SDK2: variants seen among roughly 807,000 people sequenced by gnomAD.
SDK2 encodes the protein protein sidekick-2.
A neutral mutation model predicts 253.9 loss-of-function variants in SDK2; 105 were observed. The observed-to-expected ratio is 0.41, with a 90% CI of 0.35 to 0.49. SDK2 has a LOEUF of 0.49. Ranked by LOEUF, SDK2 falls within the 20% of genes least tolerant of loss-of-function variation. The pLI, the probability that SDK2 is intolerant of heterozygous loss-of-function variation, is 0.06. For missense variants in SDK2, 2,608 were observed against 3,003.0 expected (o/e 0.87, Z 3.07); for synonymous variants, 1,249 against 1,234.9 (o/e 1.01, Z -0.24).
At chr17:73,553,331 T>C (rs1477882116) in intron 1 of SDK2, among the ~76,000 whole-genome samples, 2 of 152,282 alleles carry the variant, frequency 1.3e-5, no homozygotes, top group African/African-American at 4.8e-5. Flanking sequence ...GAGCCAGGAC[T>C]TACTGCCTAT....
rs1031940369 is a variant in SDK2 at position 73,511,659 on chromosome 17, T to G, written c.65-4062A>C. ...CACAAGGTTCCTCTCCCCAAGCTCC[T>G]GCGGTGAAGTCACCCCCTCCCGAAA... is the stretch of plus-strand genomic sequence containing the variant. On this transcript the variant is annotated intron_variant, in intron 1 of 44. Coordinates refer to ENST00000392650, the MANE Select transcript of SDK2 (RefSeq NM_001144952.2). The surrounding 1 kb of genome is among the most constrained non-coding windows in gnomAD (Gnocchi z 4.9). Among the ~76,000 whole-genome samples, 1 of 152,166 alleles carries G rather than the reference T, an allele frequency of 6.6e-6. No individual in the cohort carries two copies. The highest frequency in any genetic ancestry group is 2.4e-5 in the African/African-American group (1 of 41,432).
rs1024102364 is a variant in SDK2, at chr17:73,431,003, AG to A, written c.1481-391del. On this transcript the variant is annotated intron_variant, in intron 11 of 44. Transcript: ENST00000392650. This position sits in a 1 kb window ranked among gnomAD's most constrained non-coding sequence, Gnocchi z 5.6. ...GTGGCTTGAGAAGCTCTCTTACAGCAGGGGTCGGCTAACTACAGGCTGGGGG... is the reference window on the plus strand; with the variant it reads ...GTGGCTTGAGAAGCTCTCTTACAGCAGGGTCGGCTAACTACAGGCTGGGGG... 3.3e-5 allele frequency among the ~76,000 whole-genome samples: 5 copies of A among 152,216 alleles called. No homozygotes were observed. The highest frequency in any genetic ancestry group is 1.2e-4 in the African/African-American group (5 of 41,468).
Position 73,352,677 on chromosome 17 carries a change from G to A in SDK2, c.5594-40C>T. The A allele has an allele frequency of 6.2e-7, 1 of 1,606,390 alleles. No homozygotes were observed. Among genetic ancestry groups the A allele is most frequent in the South Asian group, 1.1e-5 (1 of 90,678 alleles). On this transcript the variant is annotated intron_variant, in intron 40 of 44. Coordinates refer to ENST00000392650, the MANE Select transcript of SDK2 (RefSeq NM_001144952.2). The surrounding 1 kb of genome is among the most constrained non-coding windows in gnomAD (Gnocchi z 4.1). The stretch of plus-strand genomic sequence containing the variant: ...AGATGGAGGCCCTGGGAGGTGAGGG[G>A]AAGCCCCAAATCCCGCTCCCAGCCC...
intron 1 of SDK2, among the ~76,000 whole-genome samples, chr17:73,544,004 G>T (rs142832542): frequency 6.6e-6 from 1 of 152,226 alleles, no homozygotes; most frequent in East Asian, 1.9e-4. Context: ...CTTCAGCATG[G>T]TCTTGAAGAT....
chr17:73,363,227 A>G (rs1476438658), intron 38 of SDK2, among the ~76,000 whole-genome samples: 1 of 152,104 alleles, frequency 6.6e-6, no homozygotes, highest in African/African-American at 2.4e-5. Context: ...GTCCACTACC[A>G]CACCCAGCTA....
intron 3 of SDK2, among the ~76,000 whole-genome samples, chr17:73,461,172 T>C (rs528563490): frequency 2.6e-4 from 40 of 152,390 alleles, no homozygotes; most frequent in African/African-American, 9.4e-4. Context: ...AAGCAAATCC[T>C]GACAAGACAT....
In SDK2 at chr17:73,432,217, G is replaced by A. The variant is rs556172476; in HGVS notation, c.1313-548C>T. On this transcript the variant is annotated intron_variant, in intron 10 of 44. Transcript: ENST00000392650. Reference sequence around the variant, plus strand: ...CAGGACAGACCTCCTTCTGCAGGGGGACCCAGGGAGCCTGGGGCCCAGCCT... The same window carrying A: ...CAGGACAGACCTCCTTCTGCAGGGGAACCCAGGGAGCCTGGGGCCCAGCCT... Among the ~76,000 whole-genome samples the A allele has an allele frequency of 3.9e-5, 6 of 152,200 alleles. No individual in the cohort carries two copies. The South Asian group carries it at 1.2e-3, about 32-fold the overall frequency.
In SDK2 at chr17:73,358,129, T is replaced by C; in HGVS notation, c.5543A>G (p.Asp1848Gly). The change falls in exon 40 of 45, where the codon GAC becomes GGC. Residue 1848 changes from aspartate (D) to glycine (G), a missense_variant. This residue lies in a region of SDK2 where 1,103 missense variants were observed against 1,143.9 expected (regional missense o/e 0.96). Transcript: ENST00000392650. Reference protein sequence around the residue: ...SAIAIHWSSGDPGKGPITRYV... With the variant: ...SAIAIHWSSGGPGKGPITRYV... Reference sequence around the variant, plus strand: ...GCGGGTGATGGGCCCTTTGCCCGGGTCTCCGCTGGACCAGTGAATGGCGAT... The same window carrying C: ...GCGGGTGATGGGCCCTTTGCCCGGGCCTCCGCTGGACCAGTGAATGGCGAT... The C allele has an allele frequency of 6.2e-7, 1 of 1,613,230 alleles. No individual in the cohort carries two copies. The highest frequency in any genetic ancestry group is 8.5e-7 in the Non-Finnish European group (1 of 1,179,738).
chr17:73,423,271 G>A, intron 14 of SDK2, 115 bp downstream of exon 14: 1 of 999,018 alleles, frequency 1.0e-6, no homozygotes, highest in Non-Finnish European at 1.3e-6. Context: ...CCAGAGGGAA[G>A]GATCTGCTCA....
rs538373669 is a variant in SDK2 at position 73,370,677 on chromosome 17, C to T, written c.4981-2084G>A. Reference sequence around the variant, plus strand: ...GGTTCAAGCAATCCTCCCGCCTCAGCCCCCCAGGTAGCTCTGACTACATGA... The same window carrying T: ...GGTTCAAGCAATCCTCCCGCCTCAGTCCCCCAGGTAGCTCTGACTACATGA... On this transcript the variant is annotated intron_variant, in intron 36 of 44. Coordinates refer to ENST00000392650, the MANE Select transcript of SDK2 (RefSeq NM_001144952.2). 1.1e-3 allele frequency among the ~76,000 whole-genome samples: 170 copies of T among 152,212 alleles called. 2 individuals are homozygous for T. Among genetic ancestry groups the T allele is most frequent in the African/African-American group, 3.9e-3 (162 of 41,530 alleles).
chr17:73,341,736 CCTT>C (rs1357897109), intron 44 of SDK2, among the ~76,000 whole-genome samples: 2 of 152,106 alleles, frequency 1.3e-5, no homozygotes, highest in African/African-American at 4.8e-5. Context: ...AACTCGGAGT[CCTT>C]CATAACATGG....
At chr17:73,411,874 C>A (rs1364543044) in intron 18 of SDK2, among the ~76,000 whole-genome samples, 4 of 148,626 alleles carry the variant, frequency 2.7e-5, no homozygotes, top group Non-Finnish European at 5.9e-5. Context: ...CAGGTTCAAG[C>A]AATTCCCCTG....
In SDK2 at chr17:73,401,008, G is replaced by A; in HGVS notation, c.2971+12C>T. The A allele has an allele frequency of 6.4e-7, 1 of 1,563,772 alleles. No homozygotes were observed. The highest frequency in any genetic ancestry group is 8.7e-7 in the Non-Finnish European group (1 of 1,153,768). On this transcript the variant is annotated intron_variant, in intron 21 of 44. Transcript: ENST00000392650. ...GAACTCAAAGAGTCCTGCCTTGAGAGTGGGCACTTACCTGGGGGCACCCCA... is the reference window on the plus strand; with the variant it reads ...GAACTCAAAGAGTCCTGCCTTGAGAATGGGCACTTACCTGGGGGCACCCCA...
chr17:73,559,060 C>G (rs1401446895), intron 1 of SDK2, among the ~76,000 whole-genome samples: 1 of 152,228 alleles, frequency 6.6e-6, no homozygotes, highest in Non-Finnish European at 1.5e-5. Context: ...AATGCACCAT[C>G]TCCTCCCCTT....
At chr17:73,462,596 G>A (rs2063571663) in intron 3 of SDK2, among the ~76,000 whole-genome samples, 2 of 152,032 alleles carry the variant, frequency 1.3e-5, no homozygotes, top group Non-Finnish European at 2.9e-5. Flanking sequence ...GTGTATGCAT[G>A]TTTACATATA....
chr17:73,635,570 G>A (rs530727016), intron 1 of SDK2, among the ~76,000 whole-genome samples: 7 of 152,192 alleles, frequency 4.6e-5, no homozygotes, highest in Non-Finnish European at 7.4e-5. Flanking sequence ...ACTGGTGTCC[G>A]CCCCAGATGC....
intron 43 of SDK2, 47 bp downstream of exon 43, chr17:73,350,190 T>TAGGCACTGCTGGGCCTGGCCCCCCACCC: frequency 6.1e-6 from 1 of 163,698 alleles, no homozygotes. Context: ...TCTCCCCACC[T>TAGGCACTGCTGGGCCTGGCCCCCCACCC]GGGCACTGCT....
intron 1 of SDK2, among the ~76,000 whole-genome samples, chr17:73,540,629 C>A (rs149161837): frequency 6.6e-6 from 1 of 152,176 alleles, no homozygotes; most frequent in African/African-American, 2.4e-5. Flanking sequence ...ACACTTCGTG[C>A]GTGACCCTGG....
chr17:73,459,091 G>A (rs2063547936), intron 3 of SDK2, among the ~76,000 whole-genome samples: 1 of 152,060 alleles, frequency 6.6e-6, no homozygotes, highest in Non-Finnish European at 1.5e-5. Context: ...TCAAACCCCT[G>A]GAGCCTTTGG....
Sources: allele counts gnomAD v4.1 joint callset (sites outside exome capture counted in the v4.1 genomes callset), GRCh38; gene constraint gnomAD v4.1.1; regional missense constraint gnomAD v4.1.1; non-coding constraint Gnocchi (gnomAD v3.1); transcripts MANE v1.5; gene names NCBI Gene and HGNC (gene_info 2026-07-23, HGNC 2026-07-21).